Variants in SECISBP2L observed in about 807,000 individuals in gnomAD.
SECISBP2L encodes SECIS binding protein 2 like.
In SECISBP2L, 43 loss-of-function variants were observed where a neutral mutation model predicts 114.7. The ratio of observed to expected loss-of-function variants is 0.38; its 90% CI spans 0.29 to 0.48. SECISBP2L has a LOEUF of 0.48. Among genes scored for constraint, SECISBP2L ranks in the 20% least tolerant of loss-of-function variants. SECISBP2L has a pLI of 0.98. For synonymous variants in SECISBP2L, 451 were observed against 439.7 expected (o/e 1.03, Z -0.32); for missense variants, 1,136 against 1,301.1 (o/e 0.87, Z 1.95).
At chr15:49,013,234 A>T (rs1348094367) in intron 11 of SECISBP2L, 1 of 153,564 alleles carries the variant, frequency 6.5e-6, no homozygotes, top group Non-Finnish European at 1.4e-5. Context: ...GTTGGTCAGT[A>T]AAGAATGATG....
intron 7 of SECISBP2L, among the ~76,000 whole-genome samples, chr15:49,022,677 T>C (rs879480436): frequency 6.6e-6 from 1 of 152,184 alleles, no homozygotes; most frequent in Non-Finnish European, 1.5e-5. Flanking sequence ...TAGCTGATTC[T>C]CTCTAAGTTT....
chr15:49,000,882 G>T lies in SECISBP2L; in HGVS notation c.2243C>A (p.Ser748Ter). The T allele has an allele frequency of 1.2e-6, 2 of 1,612,272 alleles. No homozygotes were observed. The highest frequency in any genetic ancestry group is 2.2e-5 in the South Asian group (2 of 90,620). Reference protein sequence around the residue: ...IISPNCEKIQSKGGLDEALYN... With the variant: ...IISPNCEKIQ ...CAAAAGCAAAAAGCGCATACCTTTT[G>T]ACTGGATTTTTTCACAGTTTGGAGA... is the stretch of plus-strand genomic sequence containing the variant. Residue 748 changes from serine to a stop codon, truncating the protein, a stop_gained, in exon 15 of 18, where the codon TCA becomes TAA. Transcript: ENST00000559471. LOFTEE classifies it high-confidence loss of function.
At position 49,043,964 on chromosome 15, in the gene SECISBP2L, G is replaced by GT. The variant is rs199931690; in HGVS notation, c.24+2311dup. Among the ~76,000 whole-genome samples, 977 of 148,140 alleles carry GT rather than the reference G, an allele frequency of 6.6e-3. 11 individuals are homozygous for GT. Among genetic ancestry groups the GT allele is most frequent in the South Asian group, 0.023 (107 of 4,676 alleles). On this transcript the variant is annotated intron_variant, in intron 1 of 17. Transcript: ENST00000559471. ...GAATGCCTTCAGGCAAAAAAAAAGC[G>GT]TTTTTTTTTTAAAGTTACACTTGTA...
intron 13 of SECISBP2L, among the ~76,000 whole-genome samples, chr15:49,010,452 G>C (rs1902414939): frequency 6.6e-6 from 1 of 151,920 alleles, no homozygotes; most frequent in African/African-American, 2.4e-5. Context: ...AAATTAGTTT[G>C]TATTTGTATA....
chr15:48,992,369 G>A lies in SECISBP2L; in HGVS notation c.3181C>T (p.Pro1061Ser). 6.2e-7 allele frequency: 1 copy of A among 1,614,096 alleles called. No homozygotes were observed. Among genetic ancestry groups the A allele is most frequent in the Non-Finnish European group, 8.5e-7 (1 of 1,180,014 alleles). Residue 1061 changes from proline (P) to serine (S), a missense_variant, in exon 18 of 18, where the codon CCA becomes TCA. Pro to Ser is a moderately conservative substitution (Grantham distance 74). This residue lies in a region of SECISBP2L where 684 missense variants were observed against 848.7 expected (regional missense o/e 0.81). Coordinates refer to ENST00000559471, the MANE Select transcript of SECISBP2L (RefSeq NM_001193489.2). ...EEAEAPEVLE[P>S]GMDSEAWTAD... Reference sequence around the variant, plus strand: ...GTCCATGCCTCACTGTCCATCCCTGGCTCCAGCACCTCAGGCGCCTCTGCT... The same window carrying A: ...GTCCATGCCTCACTGTCCATCCCTGACTCCAGCACCTCAGGCGCCTCTGCT...
rs1384965698 is a variant in SECISBP2L at position 48,992,386 on chromosome 15, G to T, written c.3164C>A (p.Ala1055Glu). 1 of 1,614,038 alleles carries T rather than the reference G, an allele frequency of 6.2e-7. No homozygotes were observed. Among genetic ancestry groups the T allele is most frequent in the South Asian group, 1.1e-5 (1 of 91,086 alleles). The change falls in exon 18 of 18, where the codon GCG (alanine) becomes GAG (glutamate). Residue 1055 changes from alanine (A) to glutamate (E), a missense_variant. By Grantham distance (107) the Ala-to-Glu change is moderately radical. Around this residue, in one of 2 missense-constraint regions of SECISBP2L, gnomAD observed 684 missense variants for 848.7 expected, o/e 0.81. Coordinates refer to ENST00000559471, the MANE Select transcript of SECISBP2L (RefSeq NM_001193489.2). ...CATCCCTGGCTCCAGCACCTCAGGC[G>T]CCTCTGCTTCCTCTTCTCCACTTTG... The part of the protein sequence containing the change: ...VEQSGEEEAE[A>E]PEVLEPGMDS...
At chr15:49,027,998 G>T in intron 6 of SECISBP2L, 146 bp downstream of exon 6, 1 of 740,282 alleles carries the variant, frequency 1.4e-6, no homozygotes, top group Non-Finnish European at 2.3e-6. Flanking sequence ...AAGCTGATCA[G>T]CAAAACTGTA....
At chr15:49,011,105 TA>T (rs1902428954) in intron 13 of SECISBP2L, among the ~76,000 whole-genome samples, 1 of 152,238 alleles carries the variant, frequency 6.6e-6, no homozygotes, top group Non-Finnish European at 1.5e-5. Flanking sequence ...TTGCTTAATC[TA>T]TGTGTAAACC....
At chr15:49,008,255 T>A (rs1902364627) in intron 14 of SECISBP2L, among the ~76,000 whole-genome samples, 1 of 152,160 alleles carries the variant, frequency 6.6e-6, no homozygotes, top group South Asian at 2.1e-4. Flanking sequence ...GCAGGGGAAT[T>A]TTTTGTATTT....
intron 11 of SECISBP2L, among the ~76,000 whole-genome samples, chr15:49,015,831 G>GA (rs1218340166): frequency 5.3e-5 from 8 of 152,078 alleles, no homozygotes; most frequent in Non-Finnish European, 1.2e-4. Flanking sequence ...CTTTGAAAAA[G>GA]AAAAAAATTT....
At chr15:49,021,242 C>T (rs956601138) in intron 7 of SECISBP2L, among the ~76,000 whole-genome samples, 1 of 152,114 alleles carries the variant, frequency 6.6e-6, no homozygotes, top group South Asian at 2.1e-4. Flanking sequence ...TTGGACTTCC[C>T]ACCCTCCAGA....
chr15:49,029,617 TACAC>T (rs1176369176), intron 4 of SECISBP2L, among the ~76,000 whole-genome samples: 1 of 152,174 alleles, frequency 6.6e-6, no homozygotes, highest in Non-Finnish European at 1.5e-5. Context: ...TTGACATTGA[TACAC>T]AGACACATGA....
chr15:49,030,371 G>A (rs746799325), intron 4 of SECISBP2L, among the ~76,000 whole-genome samples: 1 of 152,140 alleles, frequency 6.6e-6, no homozygotes, highest in Non-Finnish European at 1.5e-5. Context: ...TCTAGGGGGA[G>A]GCTCCATTTG....
chr15:49,016,406 T>A, intron 11 of SECISBP2L, 154 bp downstream of exon 11: 1 of 620,480 alleles, frequency 1.6e-6, no homozygotes. Flanking sequence ...TAAGCTGACT[T>A]AAAATACACA....
chr15:49,019,156 G>A (rs1031640904), intron 8 of SECISBP2L, among the ~76,000 whole-genome samples: 5 of 152,098 alleles, frequency 3.3e-5, no homozygotes, highest in Admixed American at 6.6e-5. Flanking sequence ...ATGAAATCAA[G>A]TTCTACCTCT....
rs376829776 is a variant in SECISBP2L at position 49,016,615 on chromosome 15, T to C, written c.1506A>G (p.Gln502=). Residue 502 remains glutamine (Q), a synonymous_variant, in exon 11 of 18, where the codon CAA becomes CAG. Coordinates refer to ENST00000559471, the MANE Select transcript of SECISBP2L (RefSeq NM_001193489.2). The part of the protein sequence containing the change: ...LGDMLAALEK[Q]QQAMKARQIT... Reference sequence around the variant, plus strand: ...TTTGCCGTGCTTTCATTGCTTGCTGTTGTTTTTCCAGAGCAGCTAACATGT... The same window carrying C: ...TTTGCCGTGCTTTCATTGCTTGCTGCTGTTTTTCCAGAGCAGCTAACATGT... 9.0e-5 allele frequency: 145 copies of C among 1,610,514 alleles called. 1 individual carries two copies. Among genetic ancestry groups the C allele is most frequent in the Non-Finnish European group, 1.2e-4 (140 of 1,178,004 alleles).
intron 4 of SECISBP2L, among the ~76,000 whole-genome samples, chr15:49,031,824 G>A (rs558949219): frequency 5.3e-4 from 81 of 152,208 alleles, no homozygotes; most frequent in African/African-American, 1.9e-3. Flanking sequence ...AATAAGCAAC[G>A]TAAAGAAGTA....
intron 4 of SECISBP2L, among the ~76,000 whole-genome samples, chr15:49,031,118 G>A (rs1033851744): frequency 2.9e-5 from 4 of 138,382 alleles, no homozygotes; most frequent in Non-Finnish European, 6.1e-5. Flanking sequence ...ATGTGATCTC[G>A]GCTCACTGCA....
At chr15:49,025,355 T>A (rs982747201) in intron 7 of SECISBP2L, among the ~76,000 whole-genome samples, 1 of 152,196 alleles carries the variant, frequency 6.6e-6, no homozygotes, top group African/African-American at 2.4e-5. Context: ...GATTCTGGAA[T>A]ATCTGCATAT....
Sources: gnomAD v4.1 joint callset for allele counts (sites outside exome capture counted in the v4.1 genomes callset) on GRCh38, gnomAD v4.1.1 for gene constraint, gnomAD v4.1.1 regional missense constraint, MANE v1.5 for transcripts, NCBI Gene and HGNC (gene_info 2026-07-23, HGNC 2026-07-21) for gene names.